COLEC11: variants seen among roughly 807,000 people sequenced by gnomAD.
The protein encoded by COLEC11 is collectin subfamily member 11, also known as collectin-11.
A neutral mutation model predicts 27.3 loss-of-function variants in COLEC11; 20 were observed. The observed-to-expected ratio is 0.73, with a 90% CI of 0.51 to 1.06. COLEC11 has a LOEUF of 1.06. Ranked by LOEUF, COLEC11 falls within the 50% of genes least tolerant of loss-of-function variation. The pLI, the probability that COLEC11 is intolerant of heterozygous loss-of-function variation, is 0.00. For synonymous variants in COLEC11, 163 were observed against 154.7 expected, an observed-to-expected ratio of 1.05 and a Z score of -0.40; for missense variants, 310 against 383.0, an observed-to-expected ratio of 0.81 and a Z score of 1.59.
chr2:3,623,822 A>C (rs145290892), intron 3 of COLEC11, among the ~76,000 whole-genome samples: 1,588 of 151,868 alleles, frequency 0.01, 11 homozygotes, highest in Middle Eastern at 0.024. Context: ...TTTCTTTGGG[A>C]TTGGTTTACT....
At chr2:3,618,443 C>A (rs1663943080) in intron 3 of COLEC11, among the ~76,000 whole-genome samples, 1 of 152,154 alleles carries the variant, frequency 6.6e-6, no homozygotes, top group Admixed American at 6.5e-5. Context: ...ATTGTGAATT[C>A]TTTGTGCCTT....
At chr2:3,606,753 T>TA (rs1662736835) in intron 2 of COLEC11, among the ~76,000 whole-genome samples, 3 of 152,192 alleles carry the variant, frequency 2.0e-5, no homozygotes, top group Non-Finnish European at 4.4e-5. Flanking sequence ...GGATTCAGGA[T>TA]ACCCAGCATG....
At chr2:3,603,844 G>A in intron 1 of COLEC11, 1 of 627,034 alleles carries the variant, frequency 1.6e-6, no homozygotes, top group Non-Finnish European at 2.8e-6. Flanking sequence ...TGGGGGCGTG[G>A]ATTCCTTGTC....
chr2:3,625,926 C>T (rs1572441938), intron 3 of COLEC11: 1 of 1,258,746 alleles, frequency 7.9e-7, no homozygotes. Flanking sequence ...AGCCGCCATA[C>T]CTGGCAGACT....
chr2:3,631,668 G>T (rs1162282997), intron 3 of COLEC11, among the ~76,000 whole-genome samples: 1 of 152,180 alleles, frequency 6.6e-6, no homozygotes, highest in Non-Finnish European at 1.5e-5. Flanking sequence ...TGACACAGGC[G>T]AGAGGGCTCG....
intron 4 of COLEC11, 94 bp downstream of exon 4, chr2:3,637,698 C>T (rs1391555895): frequency 6.0e-6 from 6 of 994,000 alleles, no homozygotes; most frequent in East Asian, 2.4e-5. Flanking sequence ...ATTGTCTCGT[C>T]TGGTGCTCTT....
chr2:3,626,184 G>T, intron 3 of COLEC11: 1 of 1,064,022 alleles, frequency 9.4e-7, no homozygotes, highest in Non-Finnish European at 1.5e-6. Flanking sequence ...ACATGGCTTG[G>T]ACAGAACTGG....
At chr2:3,635,320 C>T (rs1332779416) in intron 3 of COLEC11, among the ~76,000 whole-genome samples, 5 of 152,046 alleles carry the variant, frequency 3.3e-5, no homozygotes, top group Admixed American at 2.6e-4. Context: ...TCTTATCCTC[C>T]CAGAACCCGC....
chr2:3,632,509 T>C (rs999627187), intron 3 of COLEC11, among the ~76,000 whole-genome samples: 2 of 152,204 alleles, frequency 1.3e-5, no homozygotes, highest in Non-Finnish European at 2.9e-5. Flanking sequence ...CCTCCATGCA[T>C]GCACAATCCC....
At position 3,625,623 on chromosome 2, in the gene COLEC11, T is replaced by A. The variant is rs1664492707; in HGVS notation, c.203-11910T>A. On this transcript the variant is annotated intron_variant, in intron 3 of 6. Coordinates refer to ENST00000349077, the MANE Select transcript of COLEC11 (RefSeq NM_024027.5). ...TTGGAAAGTTTCTTTTCTTCTTTTT[T>A]ACTTTTTTTTTTTTTTTTTTTGAGA... Among the ~76,000 whole-genome samples, 3 of 105,776 alleles carry A rather than the reference T, an allele frequency of 2.8e-5. No homozygotes were observed. The South Asian group carries it at 1.1e-3, about 37-fold the overall frequency. 69.4% of individuals were successfully genotyped at this position (105,776 alleles called of 152,430 possible).
intron 1 of COLEC11, chr2:3,603,763 C>A: frequency 1.7e-6 from 2 of 1,168,416 alleles, no homozygotes; most frequent in Non-Finnish European, 2.5e-6. Flanking sequence ...TTCCTAAGGC[C>A]GGGGCTCCTC....
chr2:3,606,941 A>G (rs1662752144), intron 2 of COLEC11, among the ~76,000 whole-genome samples: 1 of 152,210 alleles, frequency 6.6e-6, no homozygotes, highest in South Asian at 2.1e-4. Flanking sequence ...TTCATTAGAC[A>G]AGCGTCCGTT....
At position 3,596,965 on chromosome 2, in the gene COLEC11, C is replaced by T. The variant is rs780207810; in HGVS notation, c.-27+1797C>T. On this transcript the variant is annotated intron_variant, in intron 1 of 6. Transcript: ENST00000349077. ...GTCTGAGAGCGCCCCGCTGCAGGGCCTGTGCCTCCTTTGTGCCCATAGGCC... is the reference window on the plus strand; with the variant it reads ...GTCTGAGAGCGCCCCGCTGCAGGGCTTGTGCCTCCTTTGTGCCCATAGGCC... Among the ~76,000 whole-genome samples, 85 of 152,254 alleles carry T rather than the reference C, an allele frequency of 5.6e-4. 1 individual carries two copies. Among genetic ancestry groups the T allele is most frequent in the Non-Finnish European group, 1.0e-3 (69 of 68,048 alleles).
rs138634655 is a variant in COLEC11 at position 3,639,889 on chromosome 2, C to T, written c.275-389C>T. Reference sequence around the variant, plus strand: ...TAGATGAGCTCTCAGGCCTGCGTGGCGCTCCCATCATGCTCCGTCTGGATT... The same window carrying T: ...TAGATGAGCTCTCAGGCCTGCGTGGTGCTCCCATCATGCTCCGTCTGGATT... On this transcript the variant is annotated intron_variant, in intron 4 of 6. Transcript: ENST00000349077. Among the ~76,000 whole-genome samples the T allele has an allele frequency of 2.4e-4, 36 of 152,300 alleles. 1 individual carries two copies. The highest frequency in any genetic ancestry group is 2.3e-3 in the South Asian group (11 of 4,824).
At chr2:3,630,127 ATC>A (rs994721049) in intron 3 of COLEC11, among the ~76,000 whole-genome samples, 8 of 51,440 alleles carry the variant, frequency 1.6e-4, no homozygotes, top group African/African-American at 5.1e-4. Context: ...GTGAATGCAC[ATC>A]TCTATGTGTA....
At chr2:3,618,508 TCTC>T (rs1221245011) in intron 3 of COLEC11, among the ~76,000 whole-genome samples, 2 of 152,258 alleles carry the variant, frequency 1.3e-5, no homozygotes, top group African/African-American at 4.8e-5. Context: ...TGTGCTTTCT[TCTC>T]TGCTCTATTG....
At chr2:3,612,873 G>A (rs1167042599) in intron 2 of COLEC11, among the ~76,000 whole-genome samples, 4 of 152,144 alleles carry the variant, frequency 2.6e-5, no homozygotes, top group Non-Finnish European at 5.9e-5. Flanking sequence ...CCAGTGGGAT[G>A]CTGACATAGT....
chr2:3,608,536 A>G (rs569579141), intron 2 of COLEC11, among the ~76,000 whole-genome samples: 1 of 152,254 alleles, frequency 6.6e-6, no homozygotes, highest in East Asian at 1.9e-4. Flanking sequence ...AAACCTTGCC[A>G]AATTGGCCAG....
intron 1 of COLEC11, among the ~76,000 whole-genome samples, chr2:3,600,324 A>G (rs904684174): frequency 2.6e-5 from 4 of 151,932 alleles, no homozygotes; most frequent in African/African-American, 9.7e-5. Context: ...GGAGGCCGAG[A>G]GAGGCAGATC....
Sources: gnomAD v4.1 joint callset for allele counts (sites outside exome capture counted in the v4.1 genomes callset) on GRCh38, gnomAD v4.1.1 for gene constraint, MANE v1.5 for transcripts, NCBI Gene and HGNC (gene_info 2026-07-23, HGNC 2026-07-21) for gene names.